HSF5: variants seen among roughly 807,000 people sequenced by gnomAD.
The protein encoded by HSF5 is heat shock factor protein 5.
A neutral mutation model predicts 50.8 loss-of-function variants in HSF5; 5 were observed. The observed-to-expected ratio is 0.10, with a 90% CI of 0.05 to 0.21. The LOEUF (loss-of-function observed/expected upper bound fraction) is 0.21, where lower values mean the gene tolerates loss of function less well. HSF5 is among the 10% of genes least tolerant of loss of function. The probability of loss-of-function intolerance (pLI) is 1.00; values close to 1 mark genes in which losing one functional copy is unlikely to be tolerated. For missense variants in HSF5, 564 were observed against 762.6 expected (o/e 0.74, Z 3.07); for synonymous variants, 307 against 307.4 (o/e 1.00, Z 0.02).
At chr17:58,434,771 T>G (rs1244089495) in intron 5 of HSF5, among the ~76,000 whole-genome samples, 1 of 152,176 alleles carries the variant, frequency 6.6e-6, no homozygotes, top group Non-Finnish European at 1.5e-5. Context: ...GGAGGATTGC[T>G]TGAGCCGGGA....
At chr17:58,472,793 C>G (rs1344200375) in intron 2 of HSF5, among the ~76,000 whole-genome samples, 2 of 152,032 alleles carry the variant, frequency 1.3e-5, no homozygotes, top group Non-Finnish European at 2.9e-5. Context: ...TAGAGGCAGC[C>G]CCACTCCCCA....
chr17:58,488,029 G>T lies in HSF5; in HGVS notation c.246C>A (p.Arg82=), dbSNP rs774204979. 4 of 1,607,300 alleles carry T rather than the reference G, an allele frequency of 2.5e-6. No individual in the cohort carries two copies. The highest frequency in any genetic ancestry group is 3.4e-6 in the Non-Finnish European group (4 of 1,178,296). Residue 82 remains arginine (R), a synonymous_variant, in exon 1 of 6, where the codon CGC becomes CGA. Transcript: ENST00000323777. The surrounding 1 kb of genome is among the most constrained non-coding windows in gnomAD (Gnocchi z 4.1). ...FKTTSFTSFI[R]QLNLYGFRKV... ...TGCGGAAGCCGTAGAGGTTGAGCTG[G>T]CGGATGAAGCTGGTGAAGCTGGTGG...
In HSF5 at chr17:58,470,176, C is replaced by T. The variant is rs115969143; in HGVS notation, c.926-3197G>A. Among the ~76,000 whole-genome samples, 242 of 152,292 alleles carry T rather than the reference C, an allele frequency of 1.6e-3. 1 individual carries two copies. The highest frequency in any genetic ancestry group is 5.7e-3 in the African/African-American group (237 of 41,578). Reference sequence around the variant, plus strand: ...AAAGAAAAGGTCTTCTGAGTTTATACCCCAAAGTGAAAGCAGGCATTTGAA... The same window carrying T: ...AAAGAAAAGGTCTTCTGAGTTTATATCCCAAAGTGAAAGCAGGCATTTGAA... On this transcript the variant is annotated intron_variant, in intron 2 of 5. Coordinates refer to ENST00000323777, the MANE Select transcript of HSF5 (RefSeq NM_001080439.3).
intron 5 of HSF5, among the ~76,000 whole-genome samples, chr17:58,449,229 G>A (rs1974601728): frequency 6.6e-6 from 1 of 152,162 alleles, no homozygotes; most frequent in Non-Finnish European, 1.5e-5. Flanking sequence ...GAAGAAAGGA[G>A]TTACAAAACA....
At chr17:58,477,066 G>A (rs1975023134) in intron 2 of HSF5, 8 of 501,082 alleles carry the variant, frequency 1.6e-5, no homozygotes, top group South Asian at 4.5e-5. Flanking sequence ...TCCTCCCAGC[G>A]CTGCCCTCGC....
Position 58,487,951 on chromosome 17 carries a change from G to T in HSF5, c.324C>A (p.Leu108=). 1 of 1,611,564 alleles carries T rather than the reference G, an allele frequency of 6.2e-7. No individual in the cohort carries two copies. The change falls in exon 1 of 6, where the codon CTC becomes CTA. Residue 108 remains leucine, a synonymous_variant. Transcript: ENST00000323777. ...GGGKPAGNGP[L]HHFHNPHFRR... ...GGAAGTGCGGGTTGTGGAAGTGATGGAGCGGCCCATTGCCTGCCGGTTTGC... is the reference window on the plus strand; with the variant it reads ...GGAAGTGCGGGTTGTGGAAGTGATGTAGCGGCCCATTGCCTGCCGGTTTGC...
At chr17:58,460,850 A>C (rs981486075) in intron 4 of HSF5, among the ~76,000 whole-genome samples, 2 of 151,676 alleles carry the variant, frequency 1.3e-5, no homozygotes. Context: ...GTACAAGTGC[A>C]GTTTTAAGAT....
intron 5 of HSF5, among the ~76,000 whole-genome samples, chr17:58,427,440 C>T (rs1288396236): frequency 1.3e-5 from 2 of 152,106 alleles, no homozygotes; most frequent in Non-Finnish European, 2.9e-5. Flanking sequence ...TATTGAGCAA[C>T]ATAATGATAT....
chr17:58,423,664 A>G (rs145675579), intron 5 of HSF5, among the ~76,000 whole-genome samples: 3 of 152,030 alleles, frequency 2.0e-5, no homozygotes, highest in East Asian at 1.9e-4. Flanking sequence ...TATATTTAGT[A>G]GAGATGGGGT....
At chr17:58,484,897 A>G in intron 1 of HSF5, among the ~76,000 whole-genome samples, 1 of 147,778 alleles carries the variant, frequency 6.8e-6, no homozygotes, top group East Asian at 2.0e-4. Flanking sequence ...ACATAGTGTT[A>G]TTTTATTTGT....
intron 5 of HSF5, among the ~76,000 whole-genome samples, chr17:58,454,584 C>T (rs1364088650): frequency 1.3e-5 from 2 of 152,132 alleles, no homozygotes; most frequent in African/African-American, 4.8e-5. Context: ...ACATAGAAAA[C>T]CCTAAAGATT....
intron 5 of HSF5, among the ~76,000 whole-genome samples, chr17:58,439,622 T>C (rs1302638706): frequency 6.6e-6 from 1 of 152,062 alleles, no homozygotes; most frequent in Non-Finnish European, 1.5e-5. Context: ...GTAGCTGGCA[T>C]TACAAGCATG....
chr17:58,476,046 C>G (rs1172213080), intron 2 of HSF5: 2 of 433,642 alleles, frequency 4.6e-6, no homozygotes, highest in East Asian at 1.1e-4. Flanking sequence ...ACAAAAAAAA[C>G]AAAACCAAAA....
At chr17:58,486,818 A>C (rs1466120691) in intron 1 of HSF5, among the ~76,000 whole-genome samples, 1 of 152,086 alleles carries the variant, frequency 6.6e-6, no homozygotes. Flanking sequence ...GGAAGGTGGC[A>C]GCCCTCTTCA....
At chr17:58,459,250 C>T (rs764515454) in intron 4 of HSF5, among the ~76,000 whole-genome samples, 7 of 151,596 alleles carry the variant, frequency 4.6e-5, no homozygotes, top group Non-Finnish European at 7.4e-5. Flanking sequence ...GTTGTCCAGG[C>T]GGGAGTACAG....
intron 2 of HSF5, chr17:58,476,444 G>T: frequency 9.4e-7 from 1 of 1,058,750 alleles, no homozygotes; most frequent in Non-Finnish European, 1.5e-6. Context: ...TAACTTGAAC[G>T]CTTTGTCAAA....
At chr17:58,478,465 G>A (rs1246578411) in intron 2 of HSF5, among the ~76,000 whole-genome samples, 4 of 123,736 alleles carry the variant, frequency 3.2e-5, no homozygotes, top group East Asian at 4.6e-4. Context: ...AACAGAGCGA[G>A]ACTCCATCTC....
At chr17:58,470,590 G>A (rs1275433861) in intron 2 of HSF5, among the ~76,000 whole-genome samples, 1 of 152,206 alleles carries the variant, frequency 6.6e-6, no homozygotes, top group Non-Finnish European at 1.5e-5. Context: ...ACAATATTGT[G>A]AATATAAGTA....
intron 2 of HSF5, among the ~76,000 whole-genome samples, chr17:58,471,059 T>A (rs2531732): frequency 0.36 from 54,819 of 151,980 alleles, 10,261 homozygotes; most frequent in East Asian, 0.51. Context: ...CAGGGACAGG[T>A]TGGCATTCTC....
Sources: allele counts gnomAD v4.1 joint callset (sites outside exome capture counted in the v4.1 genomes callset), GRCh38; gene constraint gnomAD v4.1.1; non-coding constraint Gnocchi (gnomAD v3.1); transcripts MANE v1.5; gene names NCBI Gene and HGNC (gene_info 2026-07-23, HGNC 2026-07-21).